The following DENND1A variants were observed in gnomAD, a reference collection of about 807,000 sequenced individuals.
The protein encoded by DENND1A is DENN domain containing 1A, also known as DENN domain-containing protein 1A.
In DENND1A, 51 loss-of-function variants were observed where a neutral mutation model predicts 113.7. The ratio of observed to expected loss-of-function variants is 0.45; its 90% CI spans 0.36 to 0.57. The LOEUF is 0.57. Ranked by LOEUF, DENND1A falls within the 20% of genes least tolerant of loss-of-function variation. The probability of loss-of-function intolerance (pLI) is 0.00; values close to 1 mark genes in which losing one functional copy is unlikely to be tolerated. For synonymous variants in DENND1A, 565 were observed against 570.8 expected (o/e 0.99, Z 0.14); for missense variants, 1,258 against 1,395.9 (o/e 0.90, Z 1.57).
At chr9:123,744,708 T>C (rs1251372702) in intron 5 of DENND1A, among the ~76,000 whole-genome samples, 3 of 151,906 alleles carry the variant, frequency 2.0e-5, no homozygotes, top group Non-Finnish European at 4.4e-5. Context: ...ATATCTACTA[T>C]ACTATGTGAT....
intron 13 of DENND1A, among the ~76,000 whole-genome samples, chr9:123,548,355 A>G (rs747826319): frequency 6.6e-6 from 1 of 152,216 alleles, no homozygotes; most frequent in Non-Finnish European, 1.5e-5. Flanking sequence ...TTTTGGCTAT[A>G]ATTCCTTATC....
chr9:123,918,119 A>C (rs1855520593), intron 1 of DENND1A, among the ~76,000 whole-genome samples: 1 of 149,636 alleles, frequency 6.7e-6, no homozygotes, highest in African/African-American at 2.5e-5. Context: ...GTCTCAAAAA[A>C]AATAAATAAA....
intron 16 of DENND1A, among the ~76,000 whole-genome samples, chr9:123,454,468 A>G (rs1411524302): frequency 2.6e-5 from 4 of 152,200 alleles, no homozygotes; most frequent in Non-Finnish European, 5.9e-5. Context: ...ATGCTCTAAG[A>G]CAGCAACATT....
chr9:123,836,573 T>C (rs1841080795), intron 2 of DENND1A, among the ~76,000 whole-genome samples: 1 of 152,178 alleles, frequency 6.6e-6, no homozygotes, highest in African/African-American at 2.4e-5. Context: ...AAAAGGTGGT[T>C]AAGTAAAATA....
At chr9:123,863,133 A>G (rs1174664417) in intron 2 of DENND1A, among the ~76,000 whole-genome samples, 1 of 152,226 alleles carries the variant, frequency 6.6e-6, no homozygotes, top group Non-Finnish European at 1.5e-5. Context: ...TTTGACAACT[A>G]CAGAAAATAT....
At chr9:123,705,360 G>A (rs2066130711) in intron 5 of DENND1A, among the ~76,000 whole-genome samples, 1 of 152,034 alleles carries the variant, frequency 6.6e-6, no homozygotes, top group Admixed American at 6.5e-5. Flanking sequence ...ACAAGAAAAG[G>A]AAATAAAGGG....
intron 2 of DENND1A, among the ~76,000 whole-genome samples, chr9:123,840,932 T>C (rs979165481): frequency 6.6e-6 from 1 of 152,230 alleles, no homozygotes; most frequent in Non-Finnish European, 1.5e-5. Context: ...CAAAATAGCA[T>C]GCAGAATGTT....
intron 1 of DENND1A, among the ~76,000 whole-genome samples, chr9:123,903,397 G>A (rs1279725592): frequency 1.3e-5 from 2 of 150,528 alleles, no homozygotes; most frequent in Non-Finnish European, 2.9e-5. Context: ...AACAGCCCCG[G>A]TATACAGCTC....
intron 2 of DENND1A, among the ~76,000 whole-genome samples, chr9:123,866,553 A>C (rs1845817075): frequency 6.6e-6 from 1 of 152,220 alleles, no homozygotes. Context: ...AATTTACATA[A>C]ATTCTATCAC....
chr9:123,589,034 C>T (rs7848148), intron 11 of DENND1A, among the ~76,000 whole-genome samples: 2 of 151,968 alleles, frequency 1.3e-5, no homozygotes, highest in African/African-American at 2.4e-5. Flanking sequence ...CCAAAGTGCT[C>T]GGATGACAGG....
chr9:123,578,141 C>T (rs1213293818), intron 12 of DENND1A, among the ~76,000 whole-genome samples: 1 of 152,222 alleles, frequency 6.6e-6, no homozygotes, highest in African/African-American at 2.4e-5. Context: ...CTGATACTCT[C>T]ACTTGCAAAT....
intron 13 of DENND1A, among the ~76,000 whole-genome samples, chr9:123,541,284 G>T (rs987915159): frequency 6.6e-6 from 1 of 152,124 alleles, no homozygotes; most frequent in African/African-American, 2.4e-5. Context: ...ATTTAACCAA[G>T]AAAATATACA....
intron 2 of DENND1A, among the ~76,000 whole-genome samples, chr9:123,814,142 T>C (rs1837084395): frequency 6.6e-6 from 1 of 152,166 alleles, no homozygotes. Context: ...AAGAACACCA[T>C]TTTAAGTTAA....
chr9:123,714,495 G>C (rs1398574909), intron 5 of DENND1A, among the ~76,000 whole-genome samples: 1 of 152,128 alleles, frequency 6.6e-6, no homozygotes, highest in Non-Finnish European at 1.5e-5. Context: ...CCAGCTACCA[G>C]GGAGGCTGAA....
intron 17 of DENND1A, among the ~76,000 whole-genome samples, chr9:123,451,730 C>G (rs2047732860): frequency 6.6e-6 from 1 of 152,202 alleles, no homozygotes; most frequent in South Asian, 2.1e-4. Flanking sequence ...AAGCTAAAAC[C>G]AGTAGCCTCC....
intron 2 of DENND1A, among the ~76,000 whole-genome samples, chr9:123,802,261 C>G (rs1211560016): frequency 6.6e-6 from 1 of 152,154 alleles, no homozygotes; most frequent in South Asian, 2.1e-4. Flanking sequence ...CCTCTCCGCC[C>G]ACTGGCCTGG....
chr9:123,582,900 T>G (rs2058987395), intron 12 of DENND1A, among the ~76,000 whole-genome samples: 1 of 151,134 alleles, frequency 6.6e-6, no homozygotes, highest in Non-Finnish European at 1.5e-5. Context: ...GGTTTCACCA[T>G]GTTGCCCAGG....
At chr9:123,420,107 C>T (rs185513463) in intron 19 of DENND1A, among the ~76,000 whole-genome samples, 6 of 152,304 alleles carry the variant, frequency 3.9e-5, no homozygotes, top group South Asian at 2.1e-4. Context: ...TTCCACGTCA[C>T]GCTGAGGAAG....
chr9:123,592,601 C>T (rs2059508773), intron 11 of DENND1A, among the ~76,000 whole-genome samples: 1 of 152,132 alleles, frequency 6.6e-6, no homozygotes, highest in African/African-American at 2.4e-5. Context: ...GTGGTGGTTA[C>T]ATGTATATGT....
Sources: gnomAD v4.1 joint callset for allele counts (sites outside exome capture counted in the v4.1 genomes callset) on GRCh38, gnomAD v4.1.1 for gene constraint, MANE v1.5 for transcripts, NCBI Gene and HGNC (gene_info 2026-07-23, HGNC 2026-07-21) for gene names.